GABRR2: variants seen among roughly 807,000 people sequenced by gnomAD.
The protein encoded by GABRR2 is gamma-aminobutyric acid receptor subunit rho-2.
In GABRR2, 36 loss-of-function variants were observed where a neutral mutation model predicts 47.0. That is an observed-to-expected ratio of 0.77 (90% CI 0.59 to 1.01). GABRR2 has a LOEUF of 1.01. Among genes scored for constraint, GABRR2 ranks in the 50% least tolerant of loss-of-function variants. The pLI is 0.00. For synonymous variants in GABRR2, 204 were observed against 227.5 expected, an observed-to-expected ratio of 0.90 and a Z score of 0.93; for missense variants, 587 against 594.6, an observed-to-expected ratio of 0.99 and a Z score of 0.13.
chr6:89,291,294 C>T (rs1774436031), intron 2 of GABRR2, among the ~76,000 whole-genome samples: 1 of 152,136 alleles, frequency 6.6e-6, no homozygotes, highest in Non-Finnish European at 1.5e-5. Context: ...AACCTCAGCC[C>T]GTCTAGCCTC....
intron 1 of GABRR2, chr6:89,302,896 TCAAG>T: frequency 8.3e-7 from 1 of 1,198,562 alleles, no homozygotes; most frequent in Non-Finnish European, 1.2e-6. Context: ...CAGGAGCTGT[TCAAG>T]CATCTCAGAG....
chr6:89,272,365 C>A lies in GABRR2; in HGVS notation c.221-643G>T, dbSNP rs540091264. 2.6e-5 allele frequency among the ~76,000 whole-genome samples: 4 copies of A among 152,348 alleles called. No individual in the cohort carries two copies. The East Asian group carries it at 7.7e-4, about 29-fold the overall frequency. On this transcript the variant is annotated intron_variant, in intron 2 of 8. Transcript: ENST00000402938. ...CTAGCACTGAACTTCATCTGGCCTA[C>A]GGCAAGATTTCTAAAACTGAGTTTG...
chr6:89,278,038 A>G (rs1262722539), intron 2 of GABRR2, among the ~76,000 whole-genome samples: 1 of 152,254 alleles, frequency 6.6e-6, no homozygotes, highest in East Asian at 1.9e-4. Flanking sequence ...TGTTATAGCT[A>G]AAAGCTGGAA....
chr6:89,263,572 G>T (rs1450670508), intron 8 of GABRR2, among the ~76,000 whole-genome samples: 1 of 152,150 alleles, frequency 6.6e-6, no homozygotes, highest in Non-Finnish European at 1.5e-5. Context: ...GCCCAGGCTG[G>T]AGTACAGTGG....
At chr6:89,265,513 C>T in intron 7 of GABRR2, 100 bp downstream of exon 7, 1 of 1,306,912 alleles carries the variant, frequency 7.7e-7, no homozygotes, top group Non-Finnish European at 1.0e-6. Context: ...TCTAACAGCT[C>T]ATCAGTTAAG....
chr6:89,267,239 G>A (rs1256821746), intron 6 of GABRR2, among the ~76,000 whole-genome samples: 1 of 152,038 alleles, frequency 6.6e-6, no homozygotes, highest in African/African-American at 2.4e-5. Flanking sequence ...GTAGGTAGAA[G>A]CCAGAACCTA....
chr6:89,280,554 C>T (rs960731877), intron 2 of GABRR2, among the ~76,000 whole-genome samples: 4 of 152,078 alleles, frequency 2.6e-5, no homozygotes, highest in South Asian at 2.1e-4. Context: ...GCTTACTGCC[C>T]GCTGCCCCTA....
chr6:89,280,633 G>A (rs58173756), intron 2 of GABRR2, among the ~76,000 whole-genome samples: 20,991 of 152,098 alleles, frequency 0.14, 1,473 homozygotes, highest in Non-Finnish European at 0.15. Context: ...GCTGTCATGG[G>A]TGAATGCGGT....
At chr6:89,314,034 T>TC (rs1374355028) in intron 1 of GABRR2, among the ~76,000 whole-genome samples, 1 of 151,476 alleles carries the variant, frequency 6.6e-6, no homozygotes, top group Non-Finnish European at 1.5e-5. Flanking sequence ...TTTTTTTTTT[T>TC]TTCTAAAAAT....
At chr6:89,282,121 C>T (rs1774262985) in intron 2 of GABRR2, among the ~76,000 whole-genome samples, 1 of 151,250 alleles carries the variant, frequency 6.6e-6, no homozygotes, top group Non-Finnish European at 1.5e-5. Flanking sequence ...CACATTCGCA[C>T]ATATATACAC....
intron 1 of GABRR2, among the ~76,000 whole-genome samples, chr6:89,308,811 T>A (rs1386501774): frequency 6.6e-6 from 1 of 152,218 alleles, no homozygotes; most frequent in Non-Finnish European, 1.5e-5. Flanking sequence ...AATTGATTTG[T>A]GCAACATATT....
At chr6:89,285,613 G>A (rs915531339) in intron 2 of GABRR2, among the ~76,000 whole-genome samples, 2 of 152,124 alleles carry the variant, frequency 1.3e-5, no homozygotes, top group African/African-American at 4.8e-5. Context: ...GACACTGTAG[G>A]GATGTGTTCA....
rs146629490 is a variant in GABRR2, at chr6:89,263,815, G to A, written c.1086+597C>T. 1.6e-3 allele frequency among the ~76,000 whole-genome samples: 239 copies of A among 152,296 alleles called. 2 individuals are homozygous for A. The highest frequency in any genetic ancestry group is 5.4e-3 in the African/African-American group (223 of 41,560). ...TGGGATTATAGGCGTGAGCCACCAC[G>A]CCCGGCAGATAGTATAGTATTTCCA... On this transcript the variant is annotated intron_variant, in intron 8 of 8. Coordinates refer to ENST00000402938, the MANE Select transcript of GABRR2 (RefSeq NM_002043.5).
chr6:89,284,610 A>G (rs73503963), intron 2 of GABRR2, among the ~76,000 whole-genome samples: 6,635 of 152,262 alleles, frequency 0.044, 504 homozygotes, highest in African/African-American at 0.15. Flanking sequence ...AAAGGGAGCC[A>G]GGAGCCACAG....
At chr6:89,268,214 A>G in intron 4 of GABRR2, 118 bp from the exon 5 acceptor site, 1 of 748,456 alleles carries the variant, frequency 1.3e-6, no homozygotes, top group Non-Finnish European at 2.4e-6. Flanking sequence ...CTGCTGCAGA[A>G]GTTTGGAAAC....
intron 2 of GABRR2, among the ~76,000 whole-genome samples, chr6:89,275,584 T>G (rs993841906): frequency 1.3e-5 from 2 of 152,198 alleles, no homozygotes; most frequent in African/African-American, 2.4e-5. Context: ...AAAAACTTAC[T>G]TTTGGAGGCA....
At chr6:89,305,068 C>T (rs1188413310) in intron 1 of GABRR2, among the ~76,000 whole-genome samples, 3 of 152,192 alleles carry the variant, frequency 2.0e-5, no homozygotes, top group Non-Finnish European at 4.4e-5. Flanking sequence ...ATAAAGACAA[C>T]GTGGTATGGC....
intron 3 of GABRR2, chr6:89,270,300 C>T (rs943230561): frequency 6.6e-6 from 1 of 152,234 alleles, no homozygotes; most frequent in African/African-American, 2.4e-5. Flanking sequence ...TGTATGGCTA[C>T]CTTGGATGTT....
intron 1 of GABRR2, among the ~76,000 whole-genome samples, chr6:89,309,923 C>T (rs967532268): frequency 2.5e-4 from 38 of 151,124 alleles, no homozygotes; most frequent in Non-Finnish European, 4.4e-4. Flanking sequence ...GGTTAACAGG[C>T]ACATGCCACC....
Sources: allele counts gnomAD v4.1 joint callset (sites outside exome capture counted in the v4.1 genomes callset), GRCh38; gene constraint gnomAD v4.1.1; transcripts MANE v1.5; gene names NCBI Gene and HGNC (gene_info 2026-07-23, HGNC 2026-07-21).